Variants in INTS14 observed in about 807,000 individuals in gnomAD.
INTS14 encodes integrator complex subunit 14.
A neutral mutation model predicts 56.9 loss-of-function variants in INTS14; 27 were observed. That is an observed-to-expected ratio of 0.47 (90% confidence interval 0.35 to 0.65). The LOEUF (loss-of-function observed/expected upper bound fraction) is 0.65. Ranked by LOEUF, INTS14 falls within the 30% of genes least tolerant of loss-of-function variation. The probability of loss-of-function intolerance (pLI) is 0.00; values close to 1 mark genes in which losing one functional copy is unlikely to be tolerated. For missense variants in INTS14, 517 were observed against 632.2 expected (o/e 0.82, Z 1.95); for synonymous variants, 207 against 236.2 (o/e 0.88, Z 1.13).
intron 3 of INTS14, among the ~76,000 whole-genome samples, chr15:65,604,573 G>A (rs1242266563): frequency 1.3e-5 from 2 of 151,804 alleles, no homozygotes; most frequent in South Asian, 2.1e-4. Context: ...TACAAAAAAT[G>A]TAAAAAATTA....
At chr15:65,591,854 C>A in intron 8 of INTS14, 123 bp from the exon 9 acceptor site, 1 of 1,138,786 alleles carries the variant, frequency 8.8e-7, no homozygotes, top group East Asian at 2.6e-5. Flanking sequence ...AGGCACACTA[C>A]TTTTACCAAA....
intron 9 of INTS14, among the ~76,000 whole-genome samples, chr15:65,588,991 G>C (rs1457664612): frequency 6.6e-6 from 1 of 152,180 alleles, no homozygotes; most frequent in East Asian, 1.9e-4. Context: ...GATCCAGGAG[G>C]AAAAAACAAC....
Position 65,584,875 on chromosome 15 carries a change from G to T in INTS14, c.1134C>A (p.Asn378Lys). 5 of 1,609,910 alleles carry T rather than the reference G, an allele frequency of 3.1e-6. No homozygotes were observed. The highest frequency in any genetic ancestry group is 4.2e-6 in the Non-Finnish European group (5 of 1,178,408). ...QLGPISDAKE[N>K]PYGEDDNKSP... ...TCTTATTGTCATCCTCGCCATAAGGGTTTTCTTTAGCATCTTAAAAGAAAA... is the reference window on the plus strand; with the variant it reads ...TCTTATTGTCATCCTCGCCATAAGGTTTTTCTTTAGCATCTTAAAAGAAAA... The change falls in exon 10 of 12, where the codon AAC (asparagine) becomes AAA (lysine). Residue 378 changes from asparagine (N) to lysine (K), a missense_variant. Transcript: ENST00000313182.
chr15:65,595,844 C>T lies in INTS14; in HGVS notation c.749-19G>A, dbSNP rs2073191833. The T allele has an allele frequency of 6.5e-7, 1 of 1,543,680 alleles. No individual in the cohort carries two copies. The highest frequency in any genetic ancestry group is 8.9e-7 in the Non-Finnish European group (1 of 1,127,320). On this transcript the variant is annotated intron_variant, in intron 6 of 11. Coordinates refer to ENST00000313182, the MANE Select transcript of INTS14 (RefSeq NM_001394796.1). The stretch of plus-strand genomic sequence containing the variant: ...TCCAAATCTGAAATGAAGGAATCAA[C>T]ACAGAATTAATTCATTCTATGGAAA...
chr15:65,602,753 T>C (rs1229533310), intron 3 of INTS14, among the ~76,000 whole-genome samples: 1 of 152,028 alleles, frequency 6.6e-6, no homozygotes, highest in African/African-American at 2.4e-5. Flanking sequence ...GTGCAACCTC[T>C]GCCTCCCCGG....
intron 8 of INTS14, among the ~76,000 whole-genome samples, chr15:65,593,090 ATAAAT>A (rs2073086589): frequency 1.4e-5 from 2 of 142,022 alleles, no homozygotes; most frequent in African/African-American, 5.5e-5. Flanking sequence ...CCCCACTTCT[ATAAAT>A]TAAAAAAAAA....
chr15:65,607,831 G>C (rs147827587), intron 1 of INTS14, among the ~76,000 whole-genome samples: 8 of 152,128 alleles, frequency 5.3e-5, no homozygotes, highest in Non-Finnish European at 1.0e-4. Context: ...AACAACCATT[G>C]TTTTTTGGCA....
chr15:65,586,425 C>T (rs2072827587), intron 9 of INTS14: 1 of 152,188 alleles, frequency 6.6e-6, no homozygotes. Context: ...TCCAAACTTA[C>T]CTACCTATAT....
chr15:65,579,623 C>T lies in INTS14; in HGVS notation c.1342G>A (p.Gly448Ser). Residue 448 changes from glycine (G) to serine (S), a missense_variant, in exon 12 of 12, where the codon GGT becomes AGT. Physicochemically the swap from Gly to Ser is moderately conservative, Grantham distance 56. Transcript: ENST00000313182. ...NRLRKAALAF[G>S]FLDLLKGVAD... is the part of the protein sequence containing the mutation. Reference sequence around the variant, plus strand: ...ACCCCTTTCAGCAGGTCCAGGAAACCAAAGGCTAGAGCGGCCTTTCGCAAA... The same window carrying T: ...ACCCCTTTCAGCAGGTCCAGGAAACTAAAGGCTAGAGCGGCCTTTCGCAAA... 1 of 1,614,176 alleles carries T rather than the reference C, an allele frequency of 6.2e-7. No individual in the cohort carries two copies. The highest frequency in any genetic ancestry group is 8.5e-7 in the Non-Finnish European group (1 of 1,180,014).
chr15:65,580,327 G>A (rs775599153), intron 11 of INTS14, among the ~76,000 whole-genome samples: 1 of 152,246 alleles, frequency 6.6e-6, no homozygotes, highest in East Asian at 1.9e-4. Context: ...GCTCTAATAT[G>A]TAGCATTATA....
Position 65,579,342 on chromosome 15 carries a change from G to T in INTS14, c.*66C>A. The stretch of plus-strand genomic sequence containing the variant: ...GGCTATTCTAGAGGTGAACATACTG[G>T]AAAGGTTTTTACCTAAAGCATTTTC... On this transcript the variant is annotated 3_prime_UTR_variant, in exon 12 of 12. Coordinates refer to ENST00000313182, the MANE Select transcript of INTS14 (RefSeq NM_001394796.1). 1.3e-6 allele frequency: 2 copies of T among 1,568,842 alleles called. No individual in the cohort carries two copies. Among genetic ancestry groups the T allele is most frequent in the Non-Finnish European group, 1.7e-6 (2 of 1,154,428 alleles).
Position 65,581,988 on chromosome 15 carries a change from C to A in INTS14, c.1271G>T (p.Arg424Met). The A allele has an allele frequency of 6.2e-7, 1 of 1,611,870 alleles. No homozygotes were observed. Among genetic ancestry groups the A allele is most frequent in the Non-Finnish European group, 8.5e-7 (1 of 1,179,548 alleles). Reference sequence around the variant, plus strand: ...TGTCTGTGTTTTTTCAGGTAGTTTCCTTGCATTTCTTAAAATCTTCTGTAC... The same window carrying A: ...TGTCTGTGTTTTTTCAGGTAGTTTCATTGCATTTCTTAAAATCTTCTGTAC... ...TDVQKILRNARKLPEKTQTFY... is the reference protein window; with the variant it reads ...TDVQKILRNAMKLPEKTQTFY... Residue 424 changes from arginine to methionine, a missense_variant, in exon 11 of 12, where the codon AGG becomes ATG. By Grantham distance (91) the Arg-to-Met change is moderately conservative. Transcript: ENST00000313182.
intron 6 of INTS14, among the ~76,000 whole-genome samples, chr15:65,596,734 C>T (rs1596254122): frequency 1.3e-5 from 2 of 152,118 alleles, no homozygotes; most frequent in African/African-American, 4.8e-5. Context: ...CCACGCCTGG[C>T]TAATTTTGTA....
chr15:65,598,503 G>T (rs568030934), intron 5 of INTS14, 40 bp from the exon 6 acceptor site: 2 of 1,578,708 alleles, frequency 1.3e-6, no homozygotes, highest in South Asian at 2.3e-5. Context: ...AGAGTAATAC[G>T]ATACATATGA....
Position 65,603,267 on chromosome 15 carries a change from T to C in INTS14, c.330+1862A>G, listed in dbSNP as rs185012016. Among the ~76,000 whole-genome samples, 323 of 152,274 alleles carry C rather than the reference T, an allele frequency of 2.1e-3. 1 individual carries two copies. The highest frequency in any genetic ancestry group is 7.5e-3 in the African/African-American group (312 of 41,536). On this transcript the variant is annotated intron_variant, in intron 3 of 11. Transcript: ENST00000313182. ...AGGGAGGTTTTCACAAGAAAAAATGTTTTTGTTGTTTTCTAAAGGTGAGTT... is the reference window on the plus strand; with the variant it reads ...AGGGAGGTTTTCACAAGAAAAAATGCTTTTGTTGTTTTCTAAAGGTGAGTT...
intron 3 of INTS14, among the ~76,000 whole-genome samples, chr15:65,604,291 C>T (rs544192578): frequency 6.6e-6 from 1 of 152,116 alleles, no homozygotes; most frequent in South Asian, 2.1e-4. Flanking sequence ...ACCATGTTGG[C>T]CAGGATGGTC....
intron 9 of INTS14, among the ~76,000 whole-genome samples, chr15:65,585,734 G>A (rs1377812287): frequency 6.6e-6 from 1 of 152,020 alleles, no homozygotes; most frequent in Non-Finnish European, 1.5e-5. Context: ...TTTCCTACAA[G>A]TTCAGAGAAC....
chr15:65,611,123 C>T lies in INTS14; in HGVS notation c.-88G>A, dbSNP rs886335386. 5 of 1,534,780 alleles carry T rather than the reference C, an allele frequency of 3.3e-6. No individual in the cohort carries two copies. Among genetic ancestry groups the T allele is most frequent in the Non-Finnish European group, 4.4e-6 (5 of 1,146,468 alleles). ...CCCGTGCCCATCGCCGGACACAGTC[C>T]GTCGGCATAAACTTTCCGTCGGCAT... On this transcript the variant is annotated 5_prime_UTR_variant, in exon 1 of 12. Transcript: ENST00000313182.
intron 3 of INTS14, 90 bp from the exon 4 acceptor site, chr15:65,600,019 G>A: frequency 7.1e-7 from 1 of 1,399,714 alleles, no homozygotes; most frequent in Non-Finnish European, 9.6e-7. Context: ...CTAGAAAGGG[G>A]CACCAGGGCT....
Sources: gnomAD v4.1 joint callset for allele counts (sites outside exome capture counted in the v4.1 genomes callset) on GRCh38, gnomAD v4.1.1 for gene constraint, MANE v1.5 for transcripts, NCBI Gene and HGNC (gene_info 2026-07-23, HGNC 2026-07-21) for gene names.